Variants in MDGA2 observed in about 807,000 individuals in gnomAD.
The protein encoded by MDGA2 is MAM domain containing glycosylphosphatidylinositol anchor 2, also known as MAM domain-containing glycosylphosphatidylinositol anchor protein 2.
MDGA2 carries 40 observed loss-of-function variants against 117.8 expected under a neutral mutation model. That is an observed-to-expected ratio of 0.34 (90% CI 0.26 to 0.44). MDGA2 has a LOEUF of 0.44. Ranked by LOEUF, MDGA2 falls within the 20% of genes least tolerant of loss-of-function variation. The pLI is 1.00. For missense variants in MDGA2, 1,123 were observed against 1,250.6 expected (o/e 0.90, Z 1.54); for synonymous variants, 452 against 439.0 (o/e 1.03, Z -0.37).
chr14:47,163,866 AC>A (rs1400161997), intron 3 of MDGA2, among the ~76,000 whole-genome samples: 4 of 152,070 alleles, frequency 2.6e-5, no homozygotes, highest in African/African-American at 9.7e-5. Flanking sequence ...TAATTACAGC[AC>A]CCTGAATTTA....
intron 3 of MDGA2, among the ~76,000 whole-genome samples, chr14:47,196,272 T>C (rs1016508799): frequency 2.6e-5 from 4 of 152,146 alleles, no homozygotes; most frequent in African/African-American, 9.6e-5. Context: ...TTAAACATAT[T>C]ATAGGAGAGT....
chr14:47,548,091 A>G (rs1423067354), intron 1 of MDGA2, among the ~76,000 whole-genome samples: 1 of 152,134 alleles, frequency 6.6e-6, no homozygotes, highest in East Asian at 1.9e-4. Flanking sequence ...AAACTAAAAT[A>G]TATTTGTACT....
intron 6 of MDGA2, among the ~76,000 whole-genome samples, chr14:47,084,963 T>C (rs1566614839): frequency 6.6e-6 from 1 of 152,054 alleles, no homozygotes; most frequent in Non-Finnish European, 1.5e-5. Context: ...ATCTAAATTC[T>C]GATCAAAATG....
At position 47,502,764 on chromosome 14, in the gene MDGA2, C is replaced by T. The variant is rs550242557; in HGVS notation, c.280+171753G>A. Reference sequence around the variant, plus strand: ...ATCATAGATCACTGCAGCTTCCAAACATCTGGACTCAAGCAATCCTTCTGC... The same window carrying T: ...ATCATAGATCACTGCAGCTTCCAAATATCTGGACTCAAGCAATCCTTCTGC... On this transcript the variant is annotated intron_variant, in intron 1 of 16. Coordinates refer to ENST00000399232, the MANE Select transcript of MDGA2 (RefSeq NM_001113498.3). Among the ~76,000 whole-genome samples the T allele has an allele frequency of 9.2e-5, 14 of 152,118 alleles. No individual in the cohort carries two copies. In the East Asian group the frequency reaches 1.6e-3, roughly 17 times the overall value.
chr14:47,154,993 C>A (rs115043268), intron 3 of MDGA2, among the ~76,000 whole-genome samples: 2 of 152,094 alleles, frequency 1.3e-5, no homozygotes, highest in Admixed American at 6.5e-5. Flanking sequence ...CCTCGGAAGC[C>A]GATTAAAATC....
In MDGA2 at chr14:47,529,085, G is replaced by GC. The variant is rs35151318; in HGVS notation, c.280+145431dup. Among the ~76,000 whole-genome samples the GC allele has an allele frequency of 2.7e-5, 4 of 150,866 alleles. No homozygotes were observed. In the South Asian group the frequency reaches 6.3e-4, roughly 24 times the overall value. On this transcript the variant is annotated intron_variant, in intron 1 of 16. Coordinates refer to ENST00000399232, the MANE Select transcript of MDGA2 (RefSeq NM_001113498.3). ...ACGATCTGGGCTCACTACAAGCTCC[G>GC]CCCCCCGGGTTCACACCATTCTCCT...
At chr14:47,604,017 G>A (rs896507101) in intron 1 of MDGA2, among the ~76,000 whole-genome samples, 3 of 152,122 alleles carry the variant, frequency 2.0e-5, no homozygotes, top group African/African-American at 7.2e-5. Context: ...AGGTGCCGGT[G>A]CCATGCTTGT....
intron 1 of MDGA2, among the ~76,000 whole-genome samples, chr14:47,576,662 T>C (rs1402300607): frequency 6.6e-6 from 1 of 152,176 alleles, no homozygotes; most frequent in East Asian, 1.9e-4. Flanking sequence ...ACAAAAATAG[T>C]ATAAATGGCT....
intron 1 of MDGA2, among the ~76,000 whole-genome samples, chr14:47,348,093 G>A (rs183869829): frequency 4.6e-5 from 7 of 151,730 alleles, no homozygotes; most frequent in South Asian, 2.1e-4. Context: ...AGCTGCAGTA[G>A]CTGGAGGAAT....
chr14:47,329,455 A>C (rs1048449148), intron 1 of MDGA2, among the ~76,000 whole-genome samples: 7 of 152,134 alleles, frequency 4.6e-5, no homozygotes, highest in African/African-American at 1.4e-4. Flanking sequence ...CTAGCATAGA[A>C]CGATAGGTGC....
chr14:47,449,898 TA>T (rs367780763), intron 1 of MDGA2, among the ~76,000 whole-genome samples: 144 of 152,240 alleles, frequency 9.5e-4, no homozygotes, highest in African/African-American at 3.2e-3. Flanking sequence ...TTACATAGCC[TA>T]AACAGACTCC....
Position 47,097,032 on chromosome 14 carries a change from C to G in MDGA2, c.1017G>C (p.Glu339Asp). The change falls in exon 6 of 17, where the codon GAG becomes GAC. Residue 339 changes from glutamate (E) to aspartate (D), a missense_variant. Coordinates refer to ENST00000399232, the MANE Select transcript of MDGA2 (RefSeq NM_001113498.3). ...TGACCCAGGTGAGAGAAGGTGCAGG[C>G]TCTCCTCCTGTTGTAACACATACTA... ...ITLVCVTTGG[E>D]PAPSLTWVRS... is the part of the protein sequence containing the mutation. The G allele has an allele frequency of 6.2e-7, 1 of 1,613,344 alleles. No homozygotes were observed. The highest frequency in any genetic ancestry group is 8.5e-7 in the Non-Finnish European group (1 of 1,179,490).
chr14:47,407,542 A>C (rs913723429), intron 1 of MDGA2, among the ~76,000 whole-genome samples: 6 of 152,150 alleles, frequency 3.9e-5, no homozygotes, highest in Non-Finnish European at 8.8e-5. Flanking sequence ...TATATCCATG[A>C]AAATATGGTT....
chr14:47,608,914 T>C (rs969349720), intron 1 of MDGA2, among the ~76,000 whole-genome samples: 4 of 151,896 alleles, frequency 2.6e-5, no homozygotes, highest in African/African-American at 9.7e-5. Flanking sequence ...CAGGTTGGAA[T>C]TTGGTCTGGA....
intron 1 of MDGA2, among the ~76,000 whole-genome samples, chr14:47,356,990 A>G (rs1891009090): frequency 6.6e-6 from 1 of 152,210 alleles, no homozygotes; most frequent in Non-Finnish European, 1.5e-5. Flanking sequence ...GGAAAAATAA[A>G]TCTTAACGGA....
At chr14:46,949,684 ATT>A (rs1195657974) in intron 9 of MDGA2, among the ~76,000 whole-genome samples, 1 of 151,950 alleles carries the variant, frequency 6.6e-6, no homozygotes. Context: ...AAAGGACATG[ATT>A]TCATTAATTT....
intron 7 of MDGA2, among the ~76,000 whole-genome samples, chr14:47,042,802 G>A (rs1889124702): frequency 6.6e-6 from 1 of 152,078 alleles, no homozygotes; most frequent in Non-Finnish European, 1.5e-5. Context: ...TTTCATTCAA[G>A]AAAGTACATT....
intron 1 of MDGA2, among the ~76,000 whole-genome samples, chr14:47,626,130 T>C (rs1225173274): frequency 6.6e-6 from 1 of 152,248 alleles, no homozygotes; most frequent in Non-Finnish European, 1.5e-5. Context: ...TCTTACTGCA[T>C]CCTCTGAATA....
chr14:46,939,103 G>A (rs1444048886), intron 9 of MDGA2, among the ~76,000 whole-genome samples: 1 of 152,132 alleles, frequency 6.6e-6, no homozygotes, highest in Admixed American at 6.5e-5. Context: ...GGTTACCAGA[G>A]CCTGGTGGGG....
Sources: gnomAD v4.1 joint callset for allele counts (sites outside exome capture counted in the v4.1 genomes callset) on GRCh38, gnomAD v4.1.1 for gene constraint, MANE v1.5 for transcripts, NCBI Gene and HGNC (gene_info 2026-07-23, HGNC 2026-07-21) for gene names.